NFASC: variants seen among roughly 807,000 people sequenced by gnomAD.
The protein encoded by NFASC is neurofascin.
In NFASC, 43 loss-of-function variants were observed where a neutral mutation model predicts 147.5. That is an observed-to-expected ratio of 0.29 (90% confidence interval 0.23 to 0.38). The LOEUF is 0.38. Among genes scored for constraint, NFASC ranks in the 10% least tolerant of loss-of-function variants. The probability of loss-of-function intolerance (pLI) is 1.00; values close to 1 mark genes in which losing one functional copy is unlikely to be tolerated. For missense variants in NFASC, 1,320 were observed against 1,689.0 expected (o/e 0.78, Z 3.83); for synonymous variants, 622 against 665.5 (o/e 0.93, Z 1.01).
chr1:204,837,999 C>T lies in NFASC; in HGVS notation c.-200+9217C>T, dbSNP rs114957941. 3.6e-3 allele frequency among the ~76,000 whole-genome samples: 547 copies of T among 152,314 alleles called. 5 individuals are homozygous for T. Among genetic ancestry groups the T allele is most frequent in the African/African-American group, 0.013 (523 of 41,568 alleles). ...CTTTCATTATGAAAATGCACACCCTCTATTCAGCATCCCACAGAACACCTA... is the reference window on the plus strand; with the variant it reads ...CTTTCATTATGAAAATGCACACCCTTTATTCAGCATCCCACAGAACACCTA... On this transcript the variant is annotated intron_variant, in intron 1 of 29. Transcript: ENST00000339876.
intron 1 of NFASC, among the ~76,000 whole-genome samples, chr1:204,842,164 T>C (rs1292491467): frequency 1.3e-5 from 2 of 152,226 alleles, no homozygotes; most frequent in Admixed American, 6.5e-5. Flanking sequence ...ACTGCAGATA[T>C]GCAATGGGCT....
intron 8 of NFASC, among the ~76,000 whole-genome samples, chr1:204,966,489 C>T (rs1011596300): frequency 6.6e-6 from 1 of 152,138 alleles, no homozygotes; most frequent in South Asian, 2.1e-4. Context: ...CCTCATAGTG[C>T]CCATGTGTCT....
At chr1:204,999,517 AC>A (rs2150834708) in intron 25 of NFASC, 1 of 152,148 alleles carries the variant, frequency 6.6e-6, no homozygotes, top group East Asian at 1.9e-4. Flanking sequence ...ATTCATTCTC[AC>A]CAGCAAGAGC....
At position 204,973,375 on chromosome 1, in the gene NFASC, A is replaced by T; in HGVS notation, c.1235A>T (p.Asn412Ile). 6.2e-7 allele frequency: 1 copy of T among 1,614,212 alleles called. No homozygotes were observed. Among genetic ancestry groups the T allele is most frequent in the Non-Finnish European group, 8.5e-7 (1 of 1,180,042 alleles). ...SRAVYQCNTS[N>I]EHGYLLANAF... ...GCTGTGTACCAGTGCAACACCTCCAACGAGCATGGCTACCTGCTGGCCAAC... is the reference window on the plus strand; with the variant it reads ...GCTGTGTACCAGTGCAACACCTCCATCGAGCATGGCTACCTGCTGGCCAAC... The change falls in exon 12 of 30, where the codon AAC becomes ATC. Residue 412 changes from asparagine to isoleucine, a missense_variant. Physicochemically the swap from Asn to Ile is moderately radical, Grantham distance 149. Transcript: ENST00000339876.
intron 1 of NFASC, among the ~76,000 whole-genome samples, chr1:204,888,412 T>A (rs2081736112): frequency 1.3e-5 from 2 of 152,212 alleles, no homozygotes; most frequent in African/African-American, 4.8e-5. Context: ...CAGAGGAGGT[T>A]GGCTTTATAA....
At chr1:204,885,058 T>A (rs2081041297) in intron 1 of NFASC, among the ~76,000 whole-genome samples, 1 of 151,832 alleles carries the variant, frequency 6.6e-6, no homozygotes, top group Non-Finnish European at 1.5e-5. Context: ...GACCAAGAGT[T>A]TGAGACAGGA....
intron 1 of NFASC, among the ~76,000 whole-genome samples, chr1:204,879,858 A>G (rs995232003): frequency 6.6e-6 from 1 of 152,220 alleles, no homozygotes; most frequent in African/African-American, 2.4e-5. Context: ...AAGGGATAGT[A>G]TGAGGTATAA....
chr1:204,879,101 T>G (rs544955357), intron 1 of NFASC, among the ~76,000 whole-genome samples: 1 of 152,338 alleles, frequency 6.6e-6, no homozygotes, highest in Non-Finnish European at 1.5e-5. Context: ...GACCAACCAG[T>G]GCAAAACAAG....
At chr1:204,889,040 G>A (rs2081882113) in intron 1 of NFASC, among the ~76,000 whole-genome samples, 8 of 152,196 alleles carry the variant, frequency 5.3e-5, no homozygotes, top group Admixed American at 2.6e-4. Flanking sequence ...AGTGAGTCCA[G>A]GAGTCAGCCG....
At chr1:204,993,880 C>G in intron 24 of NFASC, 1 of 461,144 alleles carries the variant, frequency 2.2e-6, no homozygotes, top group Non-Finnish European at 4.4e-6. Context: ...TCTGAATCTC[C>G]TTAGACCTGA....
Position 204,986,560 on chromosome 1 carries a change from C to T in NFASC, c.2471-858C>T. On this transcript the variant is annotated intron_variant, in intron 21 of 29. Transcript: ENST00000339876. This position sits in a 1 kb window ranked among gnomAD's most constrained non-coding sequence, Gnocchi z 4.2. ...TAGTCGGCCTGTGTGTGCGGTGGCT[C>T]TGCAGAGGGATACCCAAGTATAGCC... The T allele has an allele frequency of 4.8e-6, 1 of 207,480 alleles. No individual in the cohort carries two copies. The highest frequency in any genetic ancestry group is 1.0e-5 in the Non-Finnish European group (1 of 100,184). The allele number at this position is 207,480 out of a possible 1,614,324, so 12.9% of individuals were successfully genotyped here.
intron 1 of NFASC, among the ~76,000 whole-genome samples, chr1:204,878,751 T>G (rs1319200147): frequency 4.6e-5 from 7 of 152,214 alleles, no homozygotes; most frequent in Non-Finnish European, 8.8e-5. Flanking sequence ...TGGTGTGTTT[T>G]GGAAGAGGGT....
Position 204,982,714 on chromosome 1 carries a change from G to A in NFASC, c.2470+694G>A, listed in dbSNP as rs559208975. 2.0e-5 allele frequency among the ~76,000 whole-genome samples: 3 copies of A among 152,346 alleles called. No individual in the cohort carries two copies. The East Asian group carries it at 5.8e-4, about 29-fold the overall frequency. On this transcript the variant is annotated intron_variant, in intron 21 of 29. Transcript: ENST00000339876. ...CTGTCCCCAGCACATCAATCCTGTA[G>A]GCTGCTAAACAAAGCAGGGGTGTCG...
intron 2 of NFASC, among the ~76,000 whole-genome samples, chr1:204,935,776 C>T (rs1366672625): frequency 2.0e-5 from 3 of 152,296 alleles, no homozygotes; most frequent in East Asian, 3.9e-4. Context: ...AAGGCCAGCA[C>T]TGCAGCCTTA....
intron 25 of NFASC, chr1:204,999,974 G>C (rs988899344): frequency 3.3e-5 from 5 of 152,176 alleles, no homozygotes; most frequent in African/African-American, 9.7e-5. Flanking sequence ...GGAAAATGGG[G>C]TAACCAGACT....
At position 205,015,239 on chromosome 1, in the gene NFASC, GT is replaced by G. The variant is rs1218083041; in HGVS notation, c.3492-1068del. On this transcript the variant is annotated intron_variant, in intron 29 of 29. Coordinates refer to ENST00000339876, the MANE Select transcript of NFASC (RefSeq NM_001005388.3). The surrounding 1 kb of genome is among the most constrained non-coding windows in gnomAD (Gnocchi z 4.0). ...GGAGCTGGGGGCAAGGCAGTGTGTG[GT>G]GTGTGTCTGCTCAGACCGCCTGGCA... Among the ~76,000 whole-genome samples the G allele has an allele frequency of 2.0e-5, 3 of 152,282 alleles. No homozygotes were observed. Among genetic ancestry groups the G allele is most frequent in the Non-Finnish European group, 4.4e-5 (3 of 68,014 alleles).
intron 10 of NFASC, 60 bp downstream of exon 10, chr1:204,969,042 C>A: frequency 6.7e-7 from 1 of 1,499,552 alleles, no homozygotes; most frequent in Non-Finnish European, 9.1e-7. Flanking sequence ...CATGCCCACC[C>A]TTCCCTCTGA....
chr1:204,925,467 G>C (rs1270487106), intron 2 of NFASC, among the ~76,000 whole-genome samples: 2 of 152,088 alleles, frequency 1.3e-5, no homozygotes, highest in Non-Finnish European at 2.9e-5. Flanking sequence ...GTTTCCCCTG[G>C]TCTGCATGGC....
intron 3 of NFASC, chr1:204,947,110 C>T (rs112740021): frequency 4.2e-5 from 13 of 306,312 alleles, no homozygotes; most frequent in African/African-American, 1.3e-4. Context: ...CCCAAAAGAA[C>T]GGGGAGAAGA....
Sources: gnomAD v4.1 joint callset for allele counts (sites outside exome capture counted in the v4.1 genomes callset) on GRCh38, gnomAD v4.1.1 for gene constraint, Gnocchi (gnomAD v3.1) non-coding constraint, MANE v1.5 for transcripts, NCBI Gene and HGNC (gene_info 2026-07-23, HGNC 2026-07-21) for gene names.